CNTNAP2: variants seen among roughly 807,000 people sequenced by gnomAD.
CNTNAP2 encodes the protein contactin-associated protein-like 2.
CNTNAP2 carries 98 observed loss-of-function variants against 155.2 expected under a neutral mutation model. The ratio of observed to expected loss-of-function variants is 0.63; its 90% CI spans 0.54 to 0.75. The LOEUF is 0.75. Among genes scored for constraint, CNTNAP2 ranks in the 30% least tolerant of loss-of-function variants. The probability of loss-of-function intolerance (pLI) is 0.00; values close to 1 mark genes in which losing one functional copy is unlikely to be tolerated. For synonymous variants in CNTNAP2, 651 were observed against 631.2 expected (o/e 1.03, Z -0.47); for missense variants, 1,727 against 1,688.1 (o/e 1.02, Z -0.40).
chr7:146,511,278 T>C (rs1361257002), intron 1 of CNTNAP2, among the ~76,000 whole-genome samples: 3 of 152,226 alleles, frequency 2.0e-5, no homozygotes, highest in Non-Finnish European at 4.4e-5. Flanking sequence ...ATGATCTTTA[T>C]TTCTTTCTCA....
Position 146,913,059 on chromosome 7 carries a change from G to A in CNTNAP2, c.402+73155G>A, listed in dbSNP as rs570198512. On this transcript the variant is annotated intron_variant, in intron 3 of 23. Coordinates refer to ENST00000361727, the MANE Select transcript of CNTNAP2 (RefSeq NM_014141.6). The stretch of plus-strand genomic sequence containing the variant: ...GAGTTTATCACTTTTCATAAGACAA[G>A]TTTAAGTAATGTCTATAGATTCTGG... 2.0e-5 allele frequency among the ~76,000 whole-genome samples: 3 copies of A among 152,250 alleles called. No individual in the cohort carries two copies. The South Asian group carries it at 6.2e-4, about 32-fold the overall frequency.
intron 12 of CNTNAP2, among the ~76,000 whole-genome samples, chr7:147,605,725 G>T (rs1466046222): frequency 6.6e-6 from 1 of 152,034 alleles, no homozygotes; most frequent in African/African-American, 2.4e-5. Flanking sequence ...TTCTCCCTGC[G>T]CTTTTGGGGG....
At chr7:146,401,592 T>A (rs1795714593) in intron 1 of CNTNAP2, among the ~76,000 whole-genome samples, 2 of 152,306 alleles carry the variant, frequency 1.3e-5, no homozygotes, top group African/African-American at 4.8e-5. Flanking sequence ...ATAAATTGTG[T>A]GTTCAAAGAG....
chr7:148,251,149 C>A (rs1014151753), intron 20 of CNTNAP2, among the ~76,000 whole-genome samples: 1 of 152,208 alleles, frequency 6.6e-6, no homozygotes, highest in Non-Finnish European at 1.5e-5. Context: ...ACGTCAAACC[C>A]CAGCTGCAAG....
At chr7:147,527,225 G>A (rs1799341805) in intron 11 of CNTNAP2, among the ~76,000 whole-genome samples, 1 of 151,726 alleles carries the variant, frequency 6.6e-6, no homozygotes, top group South Asian at 2.1e-4. Context: ...GGGTTTCACT[G>A]TGTTAGCCAG....
At chr7:147,608,168 T>A (rs895582104) in intron 12 of CNTNAP2, among the ~76,000 whole-genome samples, 1 of 150,522 alleles carries the variant, frequency 6.6e-6, no homozygotes, top group Non-Finnish European at 1.5e-5. Context: ...AGACAGTGTG[T>A]ACACTTACCA....
intron 1 of CNTNAP2, among the ~76,000 whole-genome samples, chr7:146,318,901 C>T (rs1415493273): frequency 1.3e-5 from 2 of 152,096 alleles, no homozygotes; most frequent in African/African-American, 4.8e-5. Flanking sequence ...AATCTTAACT[C>T]TTATGAATGC....
rs907126527 is a variant in CNTNAP2, at chr7:147,242,599, G to A, written c.1349-57542G>A. On this transcript the variant is annotated intron_variant, in intron 8 of 23. Transcript: ENST00000361727. The stretch of plus-strand genomic sequence containing the variant: ...CCAGCTTTTTAAAAACTGGTACCCC[G>A]ATCGTTTTGCTGCCTGTACCTCAAA... Among the ~76,000 whole-genome samples the A allele has an allele frequency of 1.2e-4, 19 of 152,156 alleles. No homozygotes were observed. In the East Asian group the frequency reaches 1.5e-3, roughly 12 times the overall value.
intron 1 of CNTNAP2, among the ~76,000 whole-genome samples, chr7:146,670,499 G>A (rs1800283745): frequency 6.6e-6 from 1 of 152,044 alleles, no homozygotes; most frequent in Admixed American, 6.6e-5. Context: ...ATTCTGCCCT[G>A]TTTATAGTCT....
At chr7:148,014,604 C>T (rs556204934) in intron 15 of CNTNAP2, among the ~76,000 whole-genome samples, 6 of 152,296 alleles carry the variant, frequency 3.9e-5, no homozygotes, top group African/African-American at 1.2e-4. Flanking sequence ...AAAACAAAGG[C>T]GTGGTCACTT....
In CNTNAP2 at chr7:148,419,653, A is replaced by G. The variant is rs1231145621; in HGVS notation, c.*4037A>G. On this transcript the variant is annotated 3_prime_UTR_variant, in exon 24 of 24. Transcript: ENST00000361727. Reference sequence around the variant, plus strand: ...GAAGCCAGGTTTCACCATGTTGGCCAGGGTGGTCTCGAACTCCTGACCTCA... The same window carrying G: ...GAAGCCAGGTTTCACCATGTTGGCCGGGGTGGTCTCGAACTCCTGACCTCA... The G allele has an allele frequency of 6.7e-6, 1 of 150,178 alleles. No individual in the cohort carries two copies. Among genetic ancestry groups the G allele is most frequent in the Non-Finnish European group, 1.5e-5 (1 of 67,740 alleles). 9.3% of individuals were successfully genotyped at this position (150,178 alleles called of 1,614,324 possible).
chr7:146,898,501 A>C (rs1424911605), intron 3 of CNTNAP2, among the ~76,000 whole-genome samples: 1 of 151,148 alleles, frequency 6.6e-6, no homozygotes, highest in Non-Finnish European at 1.5e-5. Flanking sequence ...AAAAACAATA[A>C]TAATAATAAA....
intron 13 of CNTNAP2, among the ~76,000 whole-genome samples, chr7:147,643,935 A>ATAT (rs1220019358): frequency 6.6e-6 from 1 of 152,186 alleles, no homozygotes; most frequent in Non-Finnish European, 1.5e-5. Context: ...AAGGATAGTA[A>ATAT]TACATGCCTT....
intron 1 of CNTNAP2, among the ~76,000 whole-genome samples, chr7:146,746,360 TAAATG>T (rs1175177807): frequency 2.0e-5 from 3 of 152,202 alleles, no homozygotes; most frequent in African/African-American, 7.2e-5. Flanking sequence ...TTATATATTT[TAAATG>T]AAATAATTGA....
At chr7:146,331,303 CAA>C (rs771258929) in intron 1 of CNTNAP2, among the ~76,000 whole-genome samples, 3 of 58,946 alleles carry the variant, frequency 5.1e-5, no homozygotes, top group Middle Eastern at 0.011. Context: ...GACTCCGTCT[CAA>C]AAAAAAAAAA....
At chr7:147,702,809 C>T (rs1227199599) in intron 13 of CNTNAP2, among the ~76,000 whole-genome samples, 1 of 152,084 alleles carries the variant, frequency 6.6e-6, no homozygotes, top group Non-Finnish European at 1.5e-5. Context: ...TGTTGTAATG[C>T]TCTGCTGTGA....
chr7:146,976,222 C>A (rs115978052), intron 3 of CNTNAP2, among the ~76,000 whole-genome samples: 1 of 152,186 alleles, frequency 6.6e-6, no homozygotes, highest in African/African-American at 2.4e-5. Flanking sequence ...GCACAGAAGG[C>A]GTCTGTGTGT....
chr7:146,721,505 CTA>C (rs1435488351), intron 1 of CNTNAP2, among the ~76,000 whole-genome samples: 63 of 122,216 alleles, frequency 5.2e-4, no homozygotes, highest in Non-Finnish European at 8.1e-4. Flanking sequence ...TATATATATT[CTA>C]TATATACATT....
intron 21 of CNTNAP2, among the ~76,000 whole-genome samples, chr7:148,288,031 C>A (rs1268874842): frequency 1.3e-5 from 2 of 151,380 alleles, no homozygotes; most frequent in Non-Finnish European, 2.9e-5. Context: ...ACTTCGTGAT[C>A]GGCCCGCCTT....
Sources: allele counts gnomAD v4.1 joint callset (sites outside exome capture counted in the v4.1 genomes callset), GRCh38; gene constraint gnomAD v4.1.1; transcripts MANE v1.5; gene names NCBI Gene and HGNC (gene_info 2026-07-23, HGNC 2026-07-21).